ZBED4: variants seen among roughly 807,000 people sequenced by gnomAD.
ZBED4 encodes zinc finger BED-type containing 4, also known as zinc finger BED domain-containing protein 4.
ZBED4 carries 4 observed loss-of-function variants against 15.5 expected under a neutral mutation model. That is an observed-to-expected ratio of 0.26 (90% confidence interval 0.13 to 0.59). ZBED4 has a LOEUF of 0.59. ZBED4 is among the 20% of genes least tolerant of loss of function. The pLI is 0.90. For missense variants in ZBED4, 1,323 were observed against 1,461.8 expected (o/e 0.91, Z 1.55); for synonymous variants, 692 against 608.5 (o/e 1.14, Z -2.02).
chr22:49,859,194 C>T lies in ZBED4; in HGVS notation c.-330+5205C>T, dbSNP rs182873825. ...TTTCTTTATTTTTGTCTGTGTTTCC[C>T]TTCTTTGTTACGTCTTAGAAAATGC... On this transcript the variant is annotated intron_variant, in intron 1 of 1. Coordinates refer to ENST00000216268, the MANE Select transcript of ZBED4 (RefSeq NM_014838.3). 3.6e-3 allele frequency among the ~76,000 whole-genome samples: 553 copies of T among 152,172 alleles called. 5 individuals are homozygous for T. The highest frequency in any genetic ancestry group is 5.3e-3 in the Non-Finnish European group (359 of 67,992).
rs577572441 is a variant in ZBED4 at position 49,884,268 on chromosome 22, C to T, written c.606C>T (p.Ile202=). The T allele has an allele frequency of 3.1e-6, 5 of 1,610,680 alleles. No homozygotes were observed. Among genetic ancestry groups the T allele is most frequent in the Middle Eastern group, 1.7e-4 (1 of 6,044 alleles). Residue 202 remains isoleucine (I), a synonymous_variant, in exon 2 of 2, where the codon ATC becomes ATT. Transcript: ENST00000216268. ...CGGACGCGGGTGACCTCAGCACCAT[C>T]CTCTCACCCATCAAACTTGTCCAGA... ...QPADAGDLST[I]LSPIKLVQKV...
chr22:49,864,207 C>T (rs1040518517), intron 1 of ZBED4, among the ~76,000 whole-genome samples: 8 of 152,194 alleles, frequency 5.3e-5, no homozygotes, highest in African/African-American at 1.7e-4. Context: ...TTTAATCTTA[C>T]GTCTCCGTCC....
chr22:49,853,885 C>T lies in ZBED4; in HGVS notation c.-434C>T, dbSNP rs1313443493. On this transcript the variant is annotated 5_prime_UTR_variant, in exon 1 of 2. Transcript: ENST00000216268. ...TCGCGGGCGGCGGGCGGCGGGGCCGCGGGAGGGGCGCGGGGGCAGACAAAG... is the reference window on the plus strand; with the variant it reads ...TCGCGGGCGGCGGGCGGCGGGGCCGTGGGAGGGGCGCGGGGGCAGACAAAG... 3.5e-5 allele frequency: 5 copies of T among 144,136 alleles called. No homozygotes were observed. Among genetic ancestry groups the T allele is most frequent in the East Asian group, 4.1e-4 (2 of 4,840 alleles). The allele number at this position is 144,136 out of a possible 1,614,324, so 8.9% of individuals were successfully genotyped here.
rs766101470 is a variant in ZBED4, at chr22:49,885,375, C to T, written c.1713C>T (p.Ser571=). The T allele has an allele frequency of 2.6e-5, 41 of 1,594,660 alleles. No homozygotes were observed. Among genetic ancestry groups the T allele is most frequent in the Admixed American group, 8.7e-5 (5 of 57,770 alleles). ...TGTGGAATCATTTTTCTATTTGCTC[C>T]GCAGACTCCACAAAAGTCGTGTGCT... is the stretch of plus-strand genomic sequence containing the variant. ...SKLWNHFSIC[S]ADSTKVVCLH... Residue 571 remains serine, a synonymous_variant, in exon 2 of 2, where the codon TCC becomes TCT. Transcript: ENST00000216268.
chr22:49,856,131 T>C (rs2060273838), intron 1 of ZBED4, among the ~76,000 whole-genome samples: 1 of 152,234 alleles, frequency 6.6e-6, no homozygotes. Context: ...CCTTCCTTGG[T>C]CATCACTGGA....
intron 1 of ZBED4, among the ~76,000 whole-genome samples, chr22:49,857,642 A>T (rs2060280053): frequency 6.6e-6 from 1 of 152,104 alleles, no homozygotes; most frequent in Non-Finnish European, 1.5e-5. Context: ...CTCAGGCTGG[A>T]GTGCAGTGTT....
intron 1 of ZBED4, among the ~76,000 whole-genome samples, chr22:49,856,591 G>C (rs1384818938): frequency 6.6e-6 from 1 of 152,170 alleles, no homozygotes; most frequent in Non-Finnish European, 1.5e-5. Context: ...GGGTTGTTTC[G>C]GAATTCAGGG....
At chr22:49,856,828 G>A (rs1409455667) in intron 1 of ZBED4, among the ~76,000 whole-genome samples, 2 of 149,538 alleles carry the variant, frequency 1.3e-5, no homozygotes, top group African/African-American at 2.5e-5. Flanking sequence ...CTGGAATCCC[G>A]GCCGGCTTCC....
At chr22:49,867,160 C>T (rs533792395) in intron 1 of ZBED4, among the ~76,000 whole-genome samples, 35 of 152,266 alleles carry the variant, frequency 2.3e-4, no homozygotes, top group Non-Finnish European at 4.1e-4. Context: ...GTTTTTCACC[C>T]GTGAGTTATT....
At chr22:49,874,247 A>T (rs1022277356) in intron 1 of ZBED4, among the ~76,000 whole-genome samples, 2 of 152,246 alleles carry the variant, frequency 1.3e-5, no homozygotes, top group Non-Finnish European at 2.9e-5. Context: ...GATGCGTCTC[A>T]TAAGGCTGAA....
intron 1 of ZBED4, among the ~76,000 whole-genome samples, chr22:49,879,324 G>A (rs544662313): frequency 6.6e-6 from 1 of 151,636 alleles, no homozygotes; most frequent in African/African-American, 2.4e-5. Context: ...ACCAGGTTTC[G>A]CCATATTGGC....
Position 49,884,403 on chromosome 22 carries a change from A to G in ZBED4, c.741A>G (p.Arg247=). ...SDMSVSEKCG[R]EEALVGSSPH... ...TGTCCGTTTCGGAGAAGTGCGGCAG[A>G]GAAGAAGCCCTGGTGGGGTCGTCTC... Residue 247 remains arginine (R), a synonymous_variant, in exon 2 of 2, where the codon AGA becomes AGG. Coordinates refer to ENST00000216268, the MANE Select transcript of ZBED4 (RefSeq NM_014838.3). 1 of 1,613,288 alleles carries G rather than the reference A, an allele frequency of 6.2e-7. No individual in the cohort carries two copies.
rs376380218 is a variant in ZBED4 at position 49,887,009 on chromosome 22, C to T, written c.3347C>T (p.Ala1116Val). The change falls in exon 2 of 2, where the codon GCG (alanine) becomes GTG (valine). Residue 1116 changes from alanine to valine, a missense_variant. Ala to Val is a moderately conservative substitution (Grantham distance 64, BLOSUM62 0). Transcript: ENST00000216268. ...AAGGCGTCCTGGCCGGGGCTGTCCG[C>T]GCTGGCCGTCAGATTTTTGGGCTGC... is the stretch of plus-strand genomic sequence containing the variant. ...LKKASWPGLS[A>V]LAVRFLGCPP... The T allele has an allele frequency of 6.6e-5, 107 of 1,613,964 alleles. No individual in the cohort carries two copies. The highest frequency in any genetic ancestry group is 1.6e-4 in the Middle Eastern group (1 of 6,084).
intron 1 of ZBED4, among the ~76,000 whole-genome samples, chr22:49,873,678 G>T (rs2060360101): frequency 7.1e-6 from 1 of 141,252 alleles, no homozygotes; most frequent in Non-Finnish European, 1.5e-5. Context: ...GTAAAGCGAG[G>T]TGCGGTGATA....
intron 1 of ZBED4, among the ~76,000 whole-genome samples, chr22:49,860,523 T>G (rs1196094665): frequency 6.6e-6 from 1 of 152,216 alleles, no homozygotes; most frequent in Non-Finnish European, 1.5e-5. Context: ...CTTAGTTATC[T>G]TCCACTTTGG....
chr22:49,885,120 G>A lies in ZBED4; in HGVS notation c.1458G>A (p.Arg486=), dbSNP rs2060430734. The change falls in exon 2 of 2, where the codon CGG becomes CGA. Residue 486 remains arginine (R), a synonymous_variant. Transcript: ENST00000216268. ...GGTACTGCGGCTGTGCCATCAGCCG[G>A]GGGAAGAAGGGTGATGTGGGCACCA... ...ECRYCGCAIS[R]GKKGDVGTSC... is the part of the protein sequence containing the mutation. 6.2e-7 allele frequency: 1 copy of A among 1,614,080 alleles called. No individual in the cohort carries two copies. Among genetic ancestry groups the A allele is most frequent in the South Asian group, 1.1e-5 (1 of 91,092 alleles).
intron 1 of ZBED4, among the ~76,000 whole-genome samples, chr22:49,874,275 C>T (rs2060363861): frequency 6.6e-6 from 1 of 152,174 alleles, no homozygotes; most frequent in South Asian, 2.1e-4. Flanking sequence ...CCTTCCATTC[C>T]TGGTTTGTGC....
rs2060262635 is a variant in ZBED4, at chr22:49,853,875, G to GGCGGGGCC, written c.-438_-431dup. Reference sequence around the variant, plus strand: ...TCCGGCGGCGTCGCGGGCGGCGGGCGGCGGGGCCGCGGGAGGGGCGCGGGG... The same window carrying GGCGGGGCC: ...TCCGGCGGCGTCGCGGGCGGCGGGCGGCGGGGCCGCGGGGCCGCGGGAGGGGCGCGGGG... On this transcript the variant is annotated 5_prime_UTR_variant, in exon 1 of 2. Coordinates refer to ENST00000216268, the MANE Select transcript of ZBED4 (RefSeq NM_014838.3). The GGCGGGGCC allele has an allele frequency of 6.9e-6, 1 of 144,936 alleles. No individual in the cohort carries two copies. The highest frequency in any genetic ancestry group is 1.5e-5 in the Non-Finnish European group (1 of 65,292). The allele number at this position is 144,936 out of a possible 1,614,324, so 9.0% of individuals were successfully genotyped here. A position where few individuals can be genotyped will look rare whatever the true frequency, so the allele number is the denominator to read the frequency against.
rs955939319 is a variant in ZBED4 at position 49,888,669 on chromosome 22, C to T, written c.*1491C>T. 4.8e-5 allele frequency: 8 copies of T among 167,246 alleles called. No individual in the cohort carries two copies. In the East Asian group the frequency reaches 5.6e-4, roughly 12 times the overall value. The allele number at this position is 167,246 out of a possible 1,614,324, so 10.4% of individuals were successfully genotyped here. A position where few individuals can be genotyped will look rare whatever the true frequency, so the allele number is the denominator to read the frequency against. ...TCAAGTGGTGCCAGAATGCAGGAGCCGGTGGGCAGCCCTGAGGGGTTGCCT... is the reference window on the plus strand; with the variant it reads ...TCAAGTGGTGCCAGAATGCAGGAGCTGGTGGGCAGCCCTGAGGGGTTGCCT... On this transcript the variant is annotated 3_prime_UTR_variant, in exon 2 of 2. Coordinates refer to ENST00000216268, the MANE Select transcript of ZBED4 (RefSeq NM_014838.3).
Sources: allele counts gnomAD v4.1 joint callset (sites outside exome capture counted in the v4.1 genomes callset), GRCh38; gene constraint gnomAD v4.1.1; transcripts MANE v1.5; gene names NCBI Gene and HGNC (gene_info 2026-07-23, HGNC 2026-07-21).